Variants in IKBKE observed in about 807,000 individuals in gnomAD.
The protein encoded by IKBKE is inhibitor of nuclear factor kappa-B kinase subunit epsilon.
In IKBKE, 45 loss-of-function variants were observed where a neutral mutation model predicts 92.1. The observed-to-expected ratio is 0.49, with a 90% CI of 0.38 to 0.63. IKBKE has a LOEUF of 0.63. IKBKE is among the 20% of genes least tolerant of loss of function. IKBKE has a pLI of 0.00. For synonymous variants in IKBKE, 374 were observed against 380.3 expected, an observed-to-expected ratio of 0.98 and a Z score of 0.19; for missense variants, 700 against 932.8, an observed-to-expected ratio of 0.75 and a Z score of 3.25.
chr1:206,476,261 G>T lies in IKBKE; in HGVS notation c.439G>T (p.Glu147Ter). ...KPGNIMRLVG[E>*]EGQSIYKLTD... The stretch of plus-strand genomic sequence containing the variant: ...GGGGAACATCATGCGCCTCGTAGGG[G>T]AGGAGGGGCAGAGCATCTACAAGCT... The change falls in exon 6 of 22, where the codon GAG (glutamate) becomes TAG (stop). Residue 147 changes from glutamate (E) to a stop codon, truncating the protein, a stop_gained. Transcript: ENST00000581977. LOFTEE classifies it high-confidence loss of function. The surrounding 1 kb of genome is among the most constrained non-coding windows in gnomAD (Gnocchi z 5.1). The T allele has an allele frequency of 6.2e-7, 1 of 1,614,152 alleles. No homozygotes were observed. The highest frequency in any genetic ancestry group is 8.5e-7 in the Non-Finnish European group (1 of 1,179,998).
Position 206,479,925 on chromosome 1 carries a change from C to A in IKBKE, c.1239C>A (p.Asn413Lys). The A allele has an allele frequency of 6.2e-7, 1 of 1,613,856 alleles. No individual in the cohort carries two copies. Among genetic ancestry groups the A allele is most frequent in the Non-Finnish European group, 8.5e-7 (1 of 1,179,964 alleles). Residue 413 changes from asparagine to lysine, a missense_variant, in exon 11 of 22, where the codon AAC (asparagine) becomes AAA (lysine). Coordinates refer to ENST00000581977, the MANE Select transcript of IKBKE (RefSeq NM_014002.4). ...VPKVDLQADY[N>K]TAKGVLGAGY... ...AAGTGGACCTGCAGGCGGATTACAACACTGCCAAGGTGAGGGGCAACCCCC... is the reference window on the plus strand; with the variant it reads ...AAGTGGACCTGCAGGCGGATTACAAAACTGCCAAGGTGAGGGGCAACCCCC...
Position 206,491,703 on chromosome 1 carries a change from G to C in IKBKE, c.1789G>C (p.Val597Leu). Reference protein sequence around the residue: ...RLLQVFQEECVQKYQASLVTH... With the variant: ...RLLQVFQEECLQKYQASLVTH... ...CCTGCAGGTGTTCCAGGAGGAGTGC[G>C]TGCAGAAGTATCAAGCGTCCTTAGT... The change falls in exon 18 of 22, where the codon GTG (valine) becomes CTG (leucine). Residue 597 changes from valine (V) to leucine (L), a missense_variant. Val to Leu is a conservative substitution (Grantham distance 32). Coordinates refer to ENST00000581977, the MANE Select transcript of IKBKE (RefSeq NM_014002.4). 1 of 1,613,596 alleles carries C rather than the reference G, an allele frequency of 6.2e-7. No individual in the cohort carries two copies. The highest frequency in any genetic ancestry group is 1.3e-5 in the African/African-American group (1 of 75,016).
chr1:206,472,877 A>G (rs1553384160), intron 2 of IKBKE: 2 of 327,670 alleles, frequency 6.1e-6, no homozygotes, highest in African/African-American at 4.5e-5. Context: ...GGTGGTAGAG[A>G]CAAGAGGTTT....
At chr1:206,475,737 C>CAAAAAAA (rs535787711) in intron 5 of IKBKE, among the ~76,000 whole-genome samples, 10 of 92,738 alleles carry the variant, frequency 1.1e-4, no homozygotes, top group South Asian at 6.5e-4. Flanking sequence ...ACTCTGTCTC[C>CAAAAAAA]AAAAAAAAAA....
intron 18 of IKBKE, chr1:206,492,445 A>C: frequency 8.5e-6 from 4 of 471,320 alleles, no homozygotes; most frequent in South Asian, 6.2e-5. Context: ...CAGAATACCA[A>C]TGCCTGCTTC....
At chr1:206,475,948 C>T (rs1665041227) in intron 5 of IKBKE, among the ~76,000 whole-genome samples, 1 of 152,054 alleles carries the variant, frequency 6.6e-6, no homozygotes, top group Non-Finnish European at 1.5e-5. Flanking sequence ...CACAGAGCCA[C>T]CACCCATCTT....
intron 13 of IKBKE, among the ~76,000 whole-genome samples, chr1:206,481,900 CT>C (rs1314604864): frequency 6.6e-6 from 1 of 150,536 alleles, no homozygotes; most frequent in African/African-American, 2.4e-5. Context: ...CTGCCTCAGC[CT>C]CCCAAGTAGC....
chr1:206,495,008 C>T (rs1241163131), intron 21 of IKBKE, among the ~76,000 whole-genome samples: 1 of 143,228 alleles, frequency 7.0e-6, no homozygotes, highest in Non-Finnish European at 1.5e-5. Flanking sequence ...AAAAAAAAAG[C>T]CCTGTCATCT....
chr1:206,474,666 T>A, intron 4 of IKBKE, 195 bp downstream of exon 4: 1 of 786,012 alleles, frequency 1.3e-6, no homozygotes, highest in South Asian at 1.8e-5. Flanking sequence ...ACAGAATCAG[T>A]ACCTAAGCAG....
rs1223906809 is a variant in IKBKE at position 206,478,476 on chromosome 1, A to G, written c.992+137A>G. The stretch of plus-strand genomic sequence containing the variant: ...GCTTCCAGGTCCAAACGTAGTTGGG[A>G]AAAGACTAGTTCTACAAAGTTAAAG... On this transcript the variant is annotated intron_variant, in intron 9 of 21. Transcript: ENST00000581977. This position sits in a 1 kb window ranked among gnomAD's most constrained non-coding sequence, Gnocchi z 4.8. 1 of 875,236 alleles carries G rather than the reference A, an allele frequency of 1.1e-6. No homozygotes were observed. The highest frequency in any genetic ancestry group is 1.7e-5 in the African/African-American group (1 of 60,108). 54.2% of individuals were successfully genotyped at this position (875,236 alleles called of 1,614,324 possible).
chr1:206,477,586 C>T (rs1158452792), intron 7 of IKBKE, among the ~76,000 whole-genome samples, 163 bp from the exon 8 acceptor site: 2 of 152,180 alleles, frequency 1.3e-5, no homozygotes, highest in African/African-American at 2.4e-5. Flanking sequence ...TGAGGCAAGG[C>T]GCTCTCACAG....
Position 206,487,779 on chromosome 1 carries a change from C to T in IKBKE, c.1617-135C>T. 1.5e-6 allele frequency: 1 copy of T among 657,890 alleles called. No individual in the cohort carries two copies. The highest frequency in any genetic ancestry group is 2.7e-6 in the Non-Finnish European group (1 of 364,938). The allele number at this position is 657,890 out of a possible 1,614,324, so 40.8% of individuals were successfully genotyped here. The stretch of plus-strand genomic sequence containing the variant: ...AAGCCTAGAGACGGGACAGCCACCT[C>T]CACTCCCAGACTGATCCCCCAAAAC... On this transcript the variant is annotated intron_variant, in intron 15 of 21. Coordinates refer to ENST00000581977, the MANE Select transcript of IKBKE (RefSeq NM_014002.4). This position sits in a 1 kb window ranked among gnomAD's most constrained non-coding sequence, Gnocchi z 5.3.
intron 13 of IKBKE, among the ~76,000 whole-genome samples, chr1:206,481,433 G>A (rs1379200137): frequency 6.6e-6 from 1 of 152,232 alleles, no homozygotes; most frequent in Admixed American, 6.5e-5. Flanking sequence ...TCAGTTGATG[G>A]GGCAGCTGGG....
In IKBKE at chr1:206,473,326, C is replaced by CCCTGG. The variant is rs1553384310; in HGVS notation, c.87+15_87+19dup. The CCCTGG allele has an allele frequency of 6.2e-7, 1 of 1,601,778 alleles. No individual in the cohort carries two copies. The highest frequency in any genetic ancestry group is 1.3e-5 in the African/African-American group (1 of 74,722). ...AGGCCCGCAACAAGGTAGGAAGCAACCCTGGCCAGGCCCTGTCCAGCCCAG... is the reference window on the plus strand; with the variant it reads ...AGGCCCGCAACAAGGTAGGAAGCAACCCTGGCCTGGCCAGGCCCTGTCCAGCCCAG... On this transcript the variant is annotated intron_variant, in intron 3 of 21. Coordinates refer to ENST00000581977, the MANE Select transcript of IKBKE (RefSeq NM_014002.4).
Position 206,476,347 on chromosome 1 carries a change from G to A in IKBKE, c.525G>A (p.Gly175=). ...ATGAGAAGTTCGTCTCGGTCTATGG[G>A]ACTGAGGAGTACCTGGTGGGTGAGC... ...DDDEKFVSVY[G]TEEYLHPDMY... Residue 175 remains glycine (G), a synonymous_variant, in exon 6 of 22, where the codon GGG becomes GGA. Transcript: ENST00000581977. This position sits in a 1 kb window ranked among gnomAD's most constrained non-coding sequence, Gnocchi z 5.1. The A allele has an allele frequency of 6.2e-7, 1 of 1,611,488 alleles. No homozygotes were observed. Among genetic ancestry groups the A allele is most frequent in the Non-Finnish European group, 8.5e-7 (1 of 1,178,194 alleles).
intron 21 of IKBKE, among the ~76,000 whole-genome samples, chr1:206,494,561 T>C (rs1553391617): frequency 1.3e-5 from 2 of 151,362 alleles, no homozygotes; most frequent in African/African-American, 2.4e-5. Flanking sequence ...GACTCTGAGA[T>C]TGAGATTTTG....
intron 7 of IKBKE, among the ~76,000 whole-genome samples, 164 bp downstream of exon 7, chr1:206,477,002 A>G (rs1290468612): frequency 1.3e-5 from 2 of 152,202 alleles, no homozygotes; most frequent in Non-Finnish European, 2.9e-5. Flanking sequence ...AATGGGATCA[A>G]ACAAGCAGCT....
chr1:206,492,595 T>G, intron 18 of IKBKE: 2 of 472,826 alleles, frequency 4.2e-6, no homozygotes, highest in South Asian at 3.1e-5. Context: ...CTCTGGGCCT[T>G]GGGGAAAATG....
In IKBKE at chr1:206,491,645, T is replaced by G; in HGVS notation, c.1734-3T>G. On this transcript the variant is annotated splice_region_variant and splice_polypyrimidine_tract_variant and intron_variant, in intron 17 of 21. Transcript: ENST00000581977. Reference sequence around the variant, plus strand: ...TCTGCACCTTGGTTCTCTGTCGTTCTAGGGTGAATTTCAGTCATTTAGCCA... The same window carrying G: ...TCTGCACCTTGGTTCTCTGTCGTTCGAGGGTGAATTTCAGTCATTTAGCCA... The G allele has an allele frequency of 6.2e-7, 1 of 1,610,402 alleles. No homozygotes were observed. The highest frequency in any genetic ancestry group is 1.1e-5 in the South Asian group (1 of 90,958).
Sources: allele counts gnomAD v4.1 joint callset (sites outside exome capture counted in the v4.1 genomes callset), GRCh38; gene constraint gnomAD v4.1.1; non-coding constraint Gnocchi (gnomAD v3.1); transcripts MANE v1.5; gene names NCBI Gene and HGNC (gene_info 2026-07-23, HGNC 2026-07-21).